Variants in CSMD1 observed in about 807,000 individuals in gnomAD.
CSMD1 encodes the protein CUB and Sushi multiple domains 1.
CSMD1 carries 213 observed loss-of-function variants against 417.5 expected under a neutral mutation model. The ratio of observed to expected loss-of-function variants is 0.51; its 90% CI spans 0.46 to 0.57. CSMD1 has a LOEUF of 0.57. Ranked by LOEUF, CSMD1 falls within the 20% of genes least tolerant of loss-of-function variation. The pLI is 0.00. For missense variants in CSMD1, 6,923 were observed against 4,529.7 expected (o/e 1.53, Z -15.17); for synonymous variants, 2,862 against 1,736.8 (o/e 1.65, Z -16.11).
chr8:4,056,217 G>C (rs1406211821), intron 3 of CSMD1, among the ~76,000 whole-genome samples: 1 of 151,264 alleles, frequency 6.6e-6, no homozygotes, highest in South Asian at 2.1e-4. Context: ...GAGTAGCTGG[G>C]ATTACAGGTG....
At chr8:4,036,077 A>T (rs1166576791) in intron 3 of CSMD1, among the ~76,000 whole-genome samples, 2 of 152,214 alleles carry the variant, frequency 1.3e-5, no homozygotes, top group Admixed American at 6.5e-5. Context: ...TATTCAGTTC[A>T]GCCACATGCT....
intron 2 of CSMD1, among the ~76,000 whole-genome samples, chr8:4,614,689 A>G (rs1801377470): frequency 6.6e-6 from 1 of 152,118 alleles, no homozygotes; most frequent in South Asian, 2.1e-4. Flanking sequence ...TGGATGCACG[A>G]ATGCACACCA....
intron 2 of CSMD1, among the ~76,000 whole-genome samples, chr8:4,455,150 C>T (rs1340549772): frequency 1.3e-5 from 2 of 152,054 alleles, no homozygotes; most frequent in African/African-American, 2.4e-5. Flanking sequence ...GGACAACAGC[C>T]AAAAGGAAAA....
rs759226959 is a variant in CSMD1 at position 4,386,970 on chromosome 8, A to G, written c.415+32983T>C. Among the ~76,000 whole-genome samples, 16 of 152,232 alleles carry G rather than the reference A, an allele frequency of 1.1e-4. No individual in the cohort carries two copies. In the East Asian group the frequency reaches 2.7e-3, roughly 26 times the overall value. On this transcript the variant is annotated intron_variant, in intron 3 of 69. Transcript: ENST00000635120. ...TCATGAAGTGTAATATGTTACGATT[A>G]TCTATTGTATGAATGAAAGGACAGT...
At chr8:4,001,897 A>G (rs892391252) in intron 4 of CSMD1, among the ~76,000 whole-genome samples, 1 of 116,202 alleles carries the variant, frequency 8.6e-6, no homozygotes, top group Non-Finnish European at 1.9e-5. Flanking sequence ...AGCACAGAGG[A>G]AAAAAAAAAT....
At chr8:4,890,653 C>G (rs548455387) in intron 1 of CSMD1, among the ~76,000 whole-genome samples, 5 of 151,926 alleles carry the variant, frequency 3.3e-5, no homozygotes, top group Non-Finnish European at 4.4e-5. Flanking sequence ...CTGGGCAGGA[C>G]AGATGAGAGC....
intron 26 of CSMD1, among the ~76,000 whole-genome samples, chr8:3,264,361 A>G (rs1182425421): frequency 1.3e-5 from 2 of 152,116 alleles, no homozygotes; most frequent in Admixed American, 6.6e-5. Flanking sequence ...AGTGCTATTT[A>G]CTTGTGTTCT....
At chr8:3,494,664 G>A (rs1796292730) in intron 10 of CSMD1, among the ~76,000 whole-genome samples, 1 of 146,802 alleles carries the variant, frequency 6.8e-6, no homozygotes, top group African/African-American at 2.5e-5. Flanking sequence ...ATGGAAAAAT[G>A]ACAGACGATA....
chr8:3,687,656 G>T (rs896247171), intron 7 of CSMD1, among the ~76,000 whole-genome samples: 2 of 152,156 alleles, frequency 1.3e-5, no homozygotes, highest in African/African-American at 4.8e-5. Flanking sequence ...GTGCTGAGTG[G>T]CGCACGCTAG....
At chr8:4,082,000 A>G (rs1800161667) in intron 3 of CSMD1, among the ~76,000 whole-genome samples, 2 of 152,178 alleles carry the variant, frequency 1.3e-5, no homozygotes, top group Non-Finnish European at 2.9e-5. Context: ...AATAGGAAAA[A>G]AATATATAAA....
At chr8:3,192,751 G>C (rs1020828514) in intron 33 of CSMD1, among the ~76,000 whole-genome samples, 1 of 152,130 alleles carries the variant, frequency 6.6e-6, no homozygotes, top group Non-Finnish European at 1.5e-5. Context: ...CATCACAGGA[G>C]GTCAGGTGTG....
chr8:4,808,130 G>A (rs1213618598), intron 1 of CSMD1, among the ~76,000 whole-genome samples: 1 of 152,188 alleles, frequency 6.6e-6, no homozygotes, highest in East Asian at 1.9e-4. Flanking sequence ...CTACACAAAA[G>A]AGGAATCCAC....
At chr8:4,313,947 G>T (rs888779408) in intron 3 of CSMD1, among the ~76,000 whole-genome samples, 12 of 152,090 alleles carry the variant, frequency 7.9e-5, no homozygotes, top group African/African-American at 2.2e-4. Context: ...CTGGGAGGCA[G>T]AGGTTGCAGC....
At chr8:4,956,062 G>T (rs764129744) in intron 1 of CSMD1, among the ~76,000 whole-genome samples, 3 of 152,140 alleles carry the variant, frequency 2.0e-5, no homozygotes, top group African/African-American at 7.2e-5. Context: ...CTATCCTGGG[G>T]TGACGTAAAA....
At chr8:4,280,961 A>G (rs1796749549) in intron 3 of CSMD1, among the ~76,000 whole-genome samples, 1 of 152,216 alleles carries the variant, frequency 6.6e-6, no homozygotes. Context: ...AACACACTTG[A>G]AAGTTTCCCA....
At chr8:4,621,811 T>G (rs769557135) in intron 2 of CSMD1, among the ~76,000 whole-genome samples, 2 of 152,056 alleles carry the variant, frequency 1.3e-5, no homozygotes, top group African/African-American at 4.8e-5. Flanking sequence ...ATAATATATT[T>G]GAAAAATCTA....
chr8:3,189,089 T>G (rs1015495873), intron 34 of CSMD1, 78 bp from the exon 35 acceptor site: 44 of 1,372,400 alleles, frequency 3.2e-5, no homozygotes, highest in Non-Finnish European at 4.2e-5. Flanking sequence ...TCTTTCACTG[T>G]GTGACCACAC....
intron 23 of CSMD1, among the ~76,000 whole-genome samples, chr8:3,331,634 C>T (rs1806902142): frequency 6.6e-6 from 1 of 152,182 alleles, no homozygotes. Context: ...AATTGCCTGG[C>T]ACGTGGTCAG....
At chr8:4,040,282 C>A (rs1451782948) in intron 3 of CSMD1, among the ~76,000 whole-genome samples, 1 of 152,188 alleles carries the variant, frequency 6.6e-6, no homozygotes, top group Non-Finnish European at 1.5e-5. Context: ...GCACAACACA[C>A]ACTATGTGCT....
Sources: gnomAD v4.1 joint callset for allele counts (sites outside exome capture counted in the v4.1 genomes callset) on GRCh38, gnomAD v4.1.1 for gene constraint, MANE v1.5 for transcripts, NCBI Gene and HGNC (gene_info 2026-07-23, HGNC 2026-07-21) for gene names.